ZNF280D: variants seen among roughly 807,000 people sequenced by gnomAD.
ZNF280D encodes zinc finger protein 280D, also known as suppressor of hairy wing homolog 4.
Under a neutral mutation model 94.7 loss-of-function variants are expected in ZNF280D, and 39 were observed. The observed-to-expected ratio is 0.41, with a 90% confidence interval of 0.32 to 0.54. The LOEUF is 0.54. Among genes scored for constraint, ZNF280D ranks in the 20% least tolerant of loss-of-function variants. The probability of loss-of-function intolerance (pLI) is 0.22; values close to 1 mark genes in which losing one functional copy is unlikely to be tolerated. For synonymous variants in ZNF280D, 398 were observed against 377.6 expected (o/e 1.05, Z -0.63); for missense variants, 1,090 against 1,149.3 (o/e 0.95, Z 0.75).
At chr15:56,654,783 G>A (rs1482623025) in intron 17 of ZNF280D, 2 of 494,118 alleles carry the variant, frequency 4.0e-6, no homozygotes, top group East Asian at 1.2e-4. Flanking sequence ...AGTCAGTCTT[G>A]GCTCCACAAC....
At chr15:56,661,904 C>T (rs2053967050) in intron 16 of ZNF280D, among the ~76,000 whole-genome samples, 1 of 152,158 alleles carries the variant, frequency 6.6e-6, no homozygotes, top group Admixed American at 6.5e-5. Context: ...GAAATGCAAT[C>T]TGAGAGTCAG....
At chr15:56,641,272 G>A (rs1377690458) in intron 20 of ZNF280D, among the ~76,000 whole-genome samples, 1 of 151,882 alleles carries the variant, frequency 6.6e-6, no homozygotes, top group Non-Finnish European at 1.5e-5. Context: ...CTTTTATTAA[G>A]TGTGTAGCTT....
At chr15:56,664,612 A>C (rs1252229979) in intron 16 of ZNF280D, among the ~76,000 whole-genome samples, 8 of 152,218 alleles carry the variant, frequency 5.3e-5, no homozygotes, top group African/African-American at 1.9e-4. Flanking sequence ...AGGCCAAGTT[A>C]ACAACTGAGA....
chr15:56,707,622 C>T (rs932446680), intron 1 of ZNF280D, among the ~76,000 whole-genome samples: 19 of 152,126 alleles, frequency 1.2e-4, no homozygotes, highest in African/African-American at 4.3e-4. Flanking sequence ...CGCTGAGTGA[C>T]ATTAATCTTT....
chr15:56,661,450 A>G (rs1001175941), intron 16 of ZNF280D, among the ~76,000 whole-genome samples: 1 of 152,200 alleles, frequency 6.6e-6, no homozygotes, highest in Non-Finnish European at 1.5e-5. Context: ...ATAATAGTCT[A>G]ACTAGTCCTA....
chr15:56,653,685 A>G (rs944890834), intron 19 of ZNF280D: 291 of 1,343,196 alleles, frequency 2.2e-4, no homozygotes, highest in Admixed American at 3.2e-4. Context: ...CGTATAAGAA[A>G]TTAAGAAAGC....
Position 56,668,842 on chromosome 15 carries a change from C to A in ZNF280D, c.1526G>T (p.Gly509Val). ...RTFIKPKQLE[G>V]LPPGTKVTIR... ...ACTCACTTTTGTTCCAGGAGGCAAT[C>A]CTTCTAGTTGTTTAGGTTTTATAAA... The change falls in exon 14 of 22, where the codon GGA (glycine) becomes GTA (valine). Residue 509 changes from glycine (G) to valine (V), a missense_variant. Coordinates refer to ENST00000267807, the MANE Select transcript of ZNF280D (RefSeq NM_017661.4). 6.2e-7 allele frequency: 1 copy of A among 1,602,816 alleles called. No homozygotes were observed. The highest frequency in any genetic ancestry group is 1.1e-5 in the South Asian group (1 of 88,206).
At chr15:56,702,883 C>T (rs1410160322) in intron 4 of ZNF280D, among the ~76,000 whole-genome samples, 2 of 149,978 alleles carry the variant, frequency 1.3e-5, no homozygotes, top group Non-Finnish European at 3.0e-5. Flanking sequence ...CTCTTAATCA[C>T]ACTTTTAAGC....
intron 1 of ZNF280D, among the ~76,000 whole-genome samples, chr15:56,718,093 C>G (rs561326008): frequency 3.3e-4 from 50 of 151,308 alleles, no homozygotes; most frequent in Non-Finnish European, 5.0e-4. Context: ...CTGAAAGATA[C>G]GGAAGATTTT....
Position 56,701,197 on chromosome 15 carries a change from G to A in ZNF280D, c.217C>T (p.Leu73=). 1 of 1,589,680 alleles carries A rather than the reference G, an allele frequency of 6.3e-7. No homozygotes were observed. Among genetic ancestry groups the A allele is most frequent in the Non-Finnish European group, 8.6e-7 (1 of 1,167,230 alleles). Residue 73 remains leucine, a synonymous_variant, in exon 5 of 22, where the codon CTA becomes TTA. Transcript: ENST00000267807. ...RVNPSSYSRG[L]KNGALSRGIT... The stretch of plus-strand genomic sequence containing the variant: ...CCTCGACTGAGTGCACCATTCTTTA[G>A]TCCCCTTGAATATGAGCTGGGGTTA...
At chr15:56,727,507 TA>T (rs2058683829) in intron 1 of ZNF280D, among the ~76,000 whole-genome samples, 1 of 152,128 alleles carries the variant, frequency 6.6e-6, no homozygotes, top group Admixed American at 6.5e-5. Context: ...CTGCTACTAC[TA>T]GGCAAATAAG....
In ZNF280D at chr15:56,642,979, G is replaced by A. The variant is rs749543431; in HGVS notation, c.2232C>T (p.Pro744=). The change falls in exon 20 of 22, where the codon CCC becomes CCT. Residue 744 remains proline, a synonymous_variant. Coordinates refer to ENST00000267807, the MANE Select transcript of ZNF280D (RefSeq NM_017661.4). ...TAGACACAGGTTCTTGTTCCTTTGCGGGAGCTTCTTTTTTTAATCTTGAAA... is the reference window on the plus strand; with the variant it reads ...TAGACACAGGTTCTTGTTCCTTTGCAGGAGCTTCTTTTTTTAATCTTGAAA... ...EHLSELKKEA[P]AKEQEPVSKE... The A allele has an allele frequency of 1.1e-4, 164 of 1,505,260 alleles. No homozygotes were observed. The highest frequency in any genetic ancestry group is 7.4e-5 in the Non-Finnish European group (84 of 1,130,920). The allele number at this position is 1,505,260 out of a possible 1,614,324, so 93.2% of individuals were successfully genotyped here. A position where few individuals can be genotyped will look rare whatever the true frequency, so the allele number is the denominator to read the frequency against.
chr15:56,656,606 G>T (rs1051834132), intron 17 of ZNF280D, among the ~76,000 whole-genome samples: 3 of 152,112 alleles, frequency 2.0e-5, no homozygotes, highest in Admixed American at 6.5e-5. Flanking sequence ...AAAATTGAAT[G>T]ATATTTTCTC....
chr15:56,716,534 C>T (rs1326522258), intron 1 of ZNF280D, among the ~76,000 whole-genome samples: 1 of 144,468 alleles, frequency 6.9e-6, no homozygotes, highest in African/African-American at 2.6e-5. Context: ...CAAGGAGTTA[C>T]ATGGGAAGAG....
intron 19 of ZNF280D, among the ~76,000 whole-genome samples, chr15:56,649,271 C>A (rs975856516): frequency 2.6e-5 from 4 of 152,036 alleles, no homozygotes; most frequent in African/African-American, 9.7e-5. Context: ...ATGGTAGTAA[C>A]CTCAGAATCA....
At chr15:56,685,477 T>C (rs1027817732) in intron 9 of ZNF280D, among the ~76,000 whole-genome samples, 4 of 152,240 alleles carry the variant, frequency 2.6e-5, no homozygotes, top group Non-Finnish European at 4.4e-5. Flanking sequence ...AGTTCATAGA[T>C]TGCCTCACAG....
intron 1 of ZNF280D, among the ~76,000 whole-genome samples, chr15:56,725,856 T>G (rs1287457012): frequency 6.6e-6 from 1 of 151,914 alleles, no homozygotes; most frequent in Non-Finnish European, 1.5e-5. Context: ...ATTAATTATG[T>G]GTAAGGCATT....
chr15:56,722,604 A>T (rs1430430595), intron 1 of ZNF280D, among the ~76,000 whole-genome samples: 1 of 152,214 alleles, frequency 6.6e-6, no homozygotes, highest in East Asian at 1.9e-4. Flanking sequence ...ATGTGGAGAA[A>T]TAGGAACACT....
At chr15:56,657,592 G>A (rs1463948993) in intron 17 of ZNF280D, among the ~76,000 whole-genome samples, 1 of 152,034 alleles carries the variant, frequency 6.6e-6, no homozygotes, top group Non-Finnish European at 1.5e-5. Context: ...ACTCTCTAAT[G>A]TCCAGTAGCA....
Sources: allele counts gnomAD v4.1 joint callset (sites outside exome capture counted in the v4.1 genomes callset), GRCh38; gene constraint gnomAD v4.1.1; transcripts MANE v1.5; gene names NCBI Gene and HGNC (gene_info 2026-07-23, HGNC 2026-07-21).